The following SHISA9 variants were observed in gnomAD, a reference collection of about 807,000 sequenced individuals.
SHISA9 encodes protein shisa-9.
Under a neutral mutation model 38.0 loss-of-function variants are expected in SHISA9, and 13 were observed. The observed-to-expected ratio is 0.34, with a 90% CI of 0.22 to 0.54. The LOEUF is 0.54. SHISA9 is among the 20% of genes least tolerant of loss of function. SHISA9 has a pLI of 0.91. For synonymous variants in SHISA9, 275 were observed against 242.0 expected (o/e 1.14, Z -1.27); for missense variants, 538 against 575.8 (o/e 0.93, Z 0.67).
the SHISA9 span, among the ~76,000 whole-genome samples, chr16:13,293,885 G>A: frequency 6.6e-6 from 1 of 152,194 alleles, no homozygotes; most frequent in Non-Finnish European, 1.5e-5. Flanking sequence ...TAAGCCATAG[G>A]AACTTAGAAG....
chr16:13,204,628 G>A (rs1311699863), intron 3 of SHISA9, among the ~76,000 whole-genome samples: 1 of 152,224 alleles, frequency 6.6e-6, no homozygotes, highest in Non-Finnish European at 1.5e-5. Flanking sequence ...CTGCTCTTCA[G>A]GATTTAAGTA....
the SHISA9 span, among the ~76,000 whole-genome samples, chr16:13,332,939 G>A: frequency 1.3e-4 from 20 of 152,280 alleles, no homozygotes; most frequent in African/African-American, 4.3e-4. Flanking sequence ...AGCTGCTGCC[G>A]GAGCTGGTCT....
the SHISA9 span, among the ~76,000 whole-genome samples, chr16:13,289,084 G>A: frequency 7.2e-5 from 11 of 152,098 alleles, no homozygotes; most frequent in Admixed American, 2.0e-4. Context: ...TAGAGGCTGC[G>A]GATGAGTTAA....
intron 2 of SHISA9, among the ~76,000 whole-genome samples, chr16:12,949,414 A>C (rs961301153): frequency 6.6e-6 from 1 of 152,104 alleles, no homozygotes; most frequent in African/African-American, 2.4e-5. Flanking sequence ...CCTTGAGGAG[A>C]GGGAGGTAAA....
chr16:13,443,984 A>T, the SHISA9 span, among the ~76,000 whole-genome samples: 2 of 152,218 alleles, frequency 1.3e-5, no homozygotes, highest in African/African-American at 2.4e-5. Context: ...TTGTCATGGA[A>T]TAGCCATCTC....
intron 3 of SHISA9, among the ~76,000 whole-genome samples, chr16:13,208,439 T>TC (rs1265674365): frequency 2.2e-5 from 2 of 91,274 alleles, no homozygotes; most frequent in Non-Finnish European, 3.9e-5. Context: ...TTTTCTTTTT[T>TC]TTTCTTTTTT....
At chr16:13,071,285 A>G (rs1287062291) in intron 2 of SHISA9, among the ~76,000 whole-genome samples, 2 of 152,160 alleles carry the variant, frequency 1.3e-5, no homozygotes, top group Admixed American at 6.5e-5. Flanking sequence ...GTTTTCCCAT[A>G]CTAGGGATAA....
the SHISA9 span, among the ~76,000 whole-genome samples, chr16:13,251,307 C>T: frequency 6.6e-6 from 1 of 152,150 alleles, no homozygotes; most frequent in South Asian, 2.1e-4. Context: ...TCTTGATCCC[C>T]GCTTCACCTG....
the SHISA9 span, among the ~76,000 whole-genome samples, chr16:13,357,760 G>T: frequency 1.3e-5 from 2 of 151,862 alleles, no homozygotes; most frequent in African/African-American, 4.8e-5. Context: ...TTGTTCTCTG[G>T]CGGGTAGGAG....
At chr16:13,405,333 T>A in the SHISA9 span, among the ~76,000 whole-genome samples, 4 of 152,220 alleles carry the variant, frequency 2.6e-5, no homozygotes, top group Non-Finnish European at 5.9e-5. Context: ...CCTTGGGAAA[T>A]CAGATGTGGA....
intron 2 of SHISA9, among the ~76,000 whole-genome samples, chr16:12,996,114 C>G (rs983261917): frequency 1.3e-5 from 2 of 152,198 alleles, no homozygotes; most frequent in Admixed American, 1.3e-4. Context: ...GCCAAAAGCT[C>G]AGATGCTTTT....
intron 1 of SHISA9, chr16:12,911,354 T>A: frequency 1.0e-6 from 1 of 985,426 alleles, no homozygotes; most frequent in Non-Finnish European, 1.2e-6. Flanking sequence ...CTTTCTACTG[T>A]CTAATTCATT....
the SHISA9 span, among the ~76,000 whole-genome samples, chr16:13,550,442 A>C: frequency 3.3e-5 from 5 of 152,204 alleles, no homozygotes; most frequent in African/African-American, 9.6e-5. Context: ...AACCAGCAAA[A>C]TGTCCTCGTC....
chr16:13,464,534 T>C, the SHISA9 span, among the ~76,000 whole-genome samples: 1 of 152,232 alleles, frequency 6.6e-6, no homozygotes, highest in Non-Finnish European at 1.5e-5. Flanking sequence ...GTTTCTTGTC[T>C]AAAGCTAAAG....
intron 2 of SHISA9, among the ~76,000 whole-genome samples, chr16:13,166,935 A>G (rs966564743): frequency 4.6e-5 from 7 of 152,094 alleles, no homozygotes; most frequent in African/African-American, 1.2e-4. Flanking sequence ...ACATTTACCT[A>G]TGTCACAAAC....
At chr16:13,262,666 AAGGAAGGGAGGG>A in the SHISA9 span, among the ~76,000 whole-genome samples, 2 of 48,736 alleles carry the variant, frequency 4.1e-5, no homozygotes, top group Admixed American at 1.7e-4. Flanking sequence ...GGAAGGAAGG[AAGGAAGGGAGGG>A]AGGAAGGAAG....
rs186748325 is a variant in SHISA9, at chr16:12,905,821, G to A, written c.563+3194G>A. 2.0e-4 allele frequency among the ~76,000 whole-genome samples: 31 copies of A among 152,146 alleles called. No individual in the cohort carries two copies. In the East Asian group the frequency reaches 5.8e-3, roughly 29 times the overall value. On this transcript the variant is annotated intron_variant, in intron 1 of 4. Transcript: ENST00000558583. ...GCCTGGGGTTGGCCAGGCTGGTCTC[G>A]AACTCCTGACCTCATGCGATCCTTT...
At chr16:12,957,718 G>T (rs570925359) in intron 2 of SHISA9, among the ~76,000 whole-genome samples, 1 of 152,068 alleles carries the variant, frequency 6.6e-6, no homozygotes, top group Non-Finnish European at 1.5e-5. Context: ...AACTAAGAGG[G>T]TTAAACAACA....
At chr16:13,241,913 C>T (rs531161590), downstream of SHISA9, among the ~76,000 whole-genome samples, 9 of 152,214 alleles carry the variant, frequency 5.9e-5, no homozygotes, top group African/African-American at 1.7e-4. Flanking sequence ...ACATCAGAGC[C>T]CCAAGAATGT....
Sources: allele counts gnomAD v4.1 joint callset (sites outside exome capture counted in the v4.1 genomes callset), GRCh38; gene constraint gnomAD v4.1.1; transcripts MANE v1.5; gene names NCBI Gene and HGNC (gene_info 2026-07-23, HGNC 2026-07-21).